Variants in LIN52 observed in about 807,000 individuals in gnomAD.
LIN52 encodes the protein protein lin-52 homolog.
In LIN52, 4 loss-of-function variants were observed where a neutral mutation model predicts 18.5. The observed-to-expected ratio is 0.22, with a 90% confidence interval of 0.11 to 0.49. LIN52 has a LOEUF of 0.49. Ranked by LOEUF, LIN52 falls within the 20% of genes least tolerant of loss-of-function variation. The probability of loss-of-function intolerance (pLI) is 0.97; values close to 1 mark genes in which losing one functional copy is unlikely to be tolerated. For missense variants in LIN52, 102 were observed against 139.5 expected, an observed-to-expected ratio of 0.73 and a Z score of 1.35; for synonymous variants, 34 against 45.5, an observed-to-expected ratio of 0.75 and a Z score of 1.02.
At chr14:74,144,726 A>G (rs2061146905) in intron 5 of LIN52, among the ~76,000 whole-genome samples, 1 of 152,216 alleles carries the variant, frequency 6.6e-6, no homozygotes, top group Non-Finnish European at 1.5e-5. Flanking sequence ...AATGTGGTAA[A>G]GTACAGTTAA....
chr14:74,175,660 G>T (rs2061289574), intron 5 of LIN52, among the ~76,000 whole-genome samples: 1 of 150,640 alleles, frequency 6.6e-6, no homozygotes. Flanking sequence ...TCACACCACT[G>T]CACTCCAGCC....
intron 5 of LIN52, among the ~76,000 whole-genome samples, chr14:74,122,145 T>C (rs2139924682): frequency 6.6e-6 from 1 of 152,330 alleles, no homozygotes; most frequent in Admixed American, 6.5e-5. Flanking sequence ...AAGGAGAATA[T>C]TGCTAAACGG....
intron 5 of LIN52, among the ~76,000 whole-genome samples, chr14:74,185,321 T>TTTC (rs1465238418): frequency 6.8e-5 from 9 of 132,614 alleles, no homozygotes; most frequent in Admixed American, 1.5e-4. Flanking sequence ...TTTTTTTTTT[T>TTTC]TTTTTTTTTT....
At chr14:74,144,886 A>G (rs959698946) in intron 5 of LIN52, among the ~76,000 whole-genome samples, 1 of 152,238 alleles carries the variant, frequency 6.6e-6, no homozygotes, top group African/African-American at 2.4e-5. Context: ...TTCAAACTCA[A>G]CATGTCAGAT....
intron 5 of LIN52, among the ~76,000 whole-genome samples, chr14:74,183,335 G>A (rs1210369180): frequency 6.6e-6 from 1 of 151,978 alleles, no homozygotes; most frequent in African/African-American, 2.4e-5. Flanking sequence ...TCCTGACCTC[G>A]TGATCTGCCT....
intron 5 of LIN52, among the ~76,000 whole-genome samples, chr14:74,119,261 A>G (rs2060983466): frequency 6.8e-6 from 1 of 146,984 alleles, no homozygotes; most frequent in African/African-American, 2.5e-5. Flanking sequence ...TCCTGGGTTC[A>G]TGCCATTCTC....
intron 5 of LIN52, among the ~76,000 whole-genome samples, chr14:74,107,684 C>T (rs987666163): frequency 2.6e-5 from 4 of 151,898 alleles, no homozygotes; most frequent in Admixed American, 6.6e-5. Flanking sequence ...GATTTTTTTC[C>T]CCATCTCTGA....
At chr14:74,190,287 C>T (rs1186355814) in intron 5 of LIN52, among the ~76,000 whole-genome samples, 1 of 150,702 alleles carries the variant, frequency 6.6e-6, no homozygotes, top group East Asian at 2.0e-4. Context: ...ACACTGAGGA[C>T]AAAAATTTTG....
At chr14:74,130,027 C>T (rs111312503) in intron 5 of LIN52, among the ~76,000 whole-genome samples, 26,164 of 151,834 alleles carry the variant, frequency 0.17, 2,751 homozygotes, top group East Asian at 0.58. Context: ...CAGGGAAACT[C>T]CTCCTTTTAA....
At chr14:74,125,129 C>T (rs2061021430) in intron 5 of LIN52, among the ~76,000 whole-genome samples, 1 of 152,080 alleles carries the variant, frequency 6.6e-6, no homozygotes, top group Non-Finnish European at 1.5e-5. Context: ...GGTATATACC[C>T]AGTAATGGGA....
chr14:74,121,055 A>T (rs1245815231), intron 5 of LIN52, among the ~76,000 whole-genome samples: 4 of 152,210 alleles, frequency 2.6e-5, no homozygotes, highest in Non-Finnish European at 4.4e-5. Flanking sequence ...CAAAGAAAGA[A>T]AAAAAGCTTA....
At chr14:74,160,275 C>G (rs758654032) in intron 5 of LIN52, among the ~76,000 whole-genome samples, 1 of 152,146 alleles carries the variant, frequency 6.6e-6, no homozygotes, top group Admixed American at 6.5e-5. Flanking sequence ...TGGAACAGAG[C>G]TTTGCCTCAC....
chr14:74,190,359 T>A (rs1002819173), intron 5 of LIN52, among the ~76,000 whole-genome samples: 2 of 150,628 alleles, frequency 1.3e-5, no homozygotes, highest in African/African-American at 4.9e-5. Context: ...TTTAGTCTCC[T>A]TTTTGAAATG....
chr14:74,121,299 C>G (rs763451479), intron 5 of LIN52, among the ~76,000 whole-genome samples: 74 of 152,138 alleles, frequency 4.9e-4, no homozygotes, highest in Admixed American at 2.8e-3. Context: ...TCTGCTGTTT[C>G]CATTCTATAT....
intron 5 of LIN52, chr14:74,114,536 C>A: frequency 5.0e-6 from 3 of 605,986 alleles, no homozygotes; most frequent in Non-Finnish European, 4.1e-6. Context: ...TAGAGCTTAC[C>A]ATGATGTTTT....
intron 4 of LIN52, among the ~76,000 whole-genome samples, chr14:74,100,067 T>G (rs1312591188): frequency 6.6e-6 from 1 of 152,220 alleles, no homozygotes; most frequent in African/African-American, 2.4e-5. Context: ...TTAGTCTTTG[T>G]TTTCTAAACT....
Position 74,133,599 on chromosome 14 carries a change from A to G in LIN52, c.283+32361A>G, listed in dbSNP as rs189372887. Among the ~76,000 whole-genome samples, 89 of 152,378 alleles carry G rather than the reference A, an allele frequency of 5.8e-4. 1 individual carries two copies. The highest frequency in any genetic ancestry group is 1.1e-3 in the Non-Finnish European group (72 of 68,044). The stretch of plus-strand genomic sequence containing the variant: ...TATCTCCAGAAGTAATTCTTATTCT[A>G]GTATCAAACATAACAGTCCTTTAAA... On this transcript the variant is annotated intron_variant, in intron 5 of 5. Transcript: ENST00000555028.
rs1295666316 is a variant in LIN52, at chr14:74,097,706, C to G, written c.133-88C>G. On this transcript the variant is annotated intron_variant, in intron 3 of 5. Coordinates refer to ENST00000555028, the MANE Select transcript of LIN52 (RefSeq NM_001024674.3). Reference sequence around the variant, plus strand: ...AATCCGCCCACCTTGGCAGCCACCGCATCCGGCCCAGGCTACACTTCTTAT... The same window carrying G: ...AATCCGCCCACCTTGGCAGCCACCGGATCCGGCCCAGGCTACACTTCTTAT... 4 of 958,988 alleles carry G rather than the reference C, an allele frequency of 4.2e-6. No homozygotes were observed. In the African/African-American group the frequency reaches 5.0e-5, roughly 12 times the overall value. 59.4% of individuals were successfully genotyped at this position (958,988 alleles called of 1,614,324 possible).
chr14:74,092,978 T>A (rs1240149777), intron 2 of LIN52, among the ~76,000 whole-genome samples: 1 of 151,748 alleles, frequency 6.6e-6, no homozygotes, highest in Non-Finnish European at 1.5e-5. Context: ...TGAGATGGAG[T>A]CTTGCTCATG....
Sources: allele counts gnomAD v4.1 joint callset (sites outside exome capture counted in the v4.1 genomes callset), GRCh38; gene constraint gnomAD v4.1.1; transcripts MANE v1.5; gene names NCBI Gene and HGNC (gene_info 2026-07-23, HGNC 2026-07-21).